CPT1A: variants seen among roughly 807,000 people sequenced by gnomAD.
The protein encoded by CPT1A is carnitine palmitoyltransferase 1A.
Under a neutral mutation model 100.8 loss-of-function variants are expected in CPT1A, and 64 were observed. The ratio of observed to expected loss-of-function variants is 0.63; its 90% CI spans 0.52 to 0.78. The LOEUF (loss-of-function observed/expected upper bound fraction) is 0.78. CPT1A is among the 30% of genes least tolerant of loss of function. The probability of loss-of-function intolerance (pLI) is 0.00; values close to 1 mark genes in which losing one functional copy is unlikely to be tolerated. For synonymous variants in CPT1A, 363 were observed against 396.0 expected (o/e 0.92, Z 0.99); for missense variants, 802 against 1,034.1 (o/e 0.78, Z 3.08).
At chr11:68,838,573 A>AAAAAAAAAAAC (rs1857073471) in intron 1 of CPT1A, among the ~76,000 whole-genome samples, 1 of 112,846 alleles carries the variant, frequency 8.9e-6, no homozygotes, top group Non-Finnish European at 1.7e-5. Flanking sequence ...GCACCTTTTT[A>AAAAAAAAAAAC]AAAAAAAAAA....
Position 68,757,524 on chromosome 11 carries a change from G to A in CPT1A, c.*120C>T. 2 of 1,549,924 alleles carry A rather than the reference G, an allele frequency of 1.3e-6. No individual in the cohort carries two copies. Among genetic ancestry groups the A allele is most frequent in the Non-Finnish European group, 1.7e-6 (2 of 1,150,444 alleles). On this transcript the variant is annotated 3_prime_UTR_variant, in exon 19 of 19. Coordinates refer to ENST00000265641, the MANE Select transcript of CPT1A (RefSeq NM_001876.4). Reference sequence around the variant, plus strand: ...AAAAAAACACCCACATTTTCTGGAAGGAAAACTGAGTTTTTTTAAGAGCAG... The same window carrying A: ...AAAAAAACACCCACATTTTCTGGAAAGAAAACTGAGTTTTTTTAAGAGCAG...
chr11:68,816,961 GGT>G (rs1449584905), intron 1 of CPT1A, among the ~76,000 whole-genome samples: 2 of 115,948 alleles, frequency 1.7e-5, no homozygotes, highest in Non-Finnish European at 3.5e-5. Context: ...TGGTGTGTAT[GGT>G]GTGTGTGTGG....
intron 4 of CPT1A, among the ~76,000 whole-genome samples, chr11:68,805,916 G>A (rs147405204): frequency 3.3e-4 from 51 of 152,316 alleles, no homozygotes; most frequent in African/African-American, 1.2e-3. Context: ...ACACCCGCCT[G>A]CAGGGGGTCA....
At chr11:68,802,386 G>T (rs1855926033) in intron 5 of CPT1A, among the ~76,000 whole-genome samples, 1 of 150,836 alleles carries the variant, frequency 6.6e-6, no homozygotes, top group Non-Finnish European at 1.5e-5. Context: ...TTGAGCTCAG[G>T]GGTTCAACAC....
chr11:68,774,092 A>C (rs903671163), intron 13 of CPT1A, among the ~76,000 whole-genome samples: 1 of 152,200 alleles, frequency 6.6e-6, no homozygotes, highest in African/African-American at 2.4e-5. Flanking sequence ...ATAAAACCTC[A>C]AGTCAAGAGG....
intron 3 of CPT1A, among the ~76,000 whole-genome samples, chr11:68,808,322 G>A (rs546802103): frequency 7.2e-5 from 11 of 151,736 alleles, no homozygotes; most frequent in Admixed American, 2.6e-4. Context: ...GTGAAGGAAG[G>A]TAGTATATAT....
At chr11:68,840,278 G>C (rs1229699691) in intron 1 of CPT1A, among the ~76,000 whole-genome samples, 1 of 152,160 alleles carries the variant, frequency 6.6e-6, no homozygotes, top group Non-Finnish European at 1.5e-5. Context: ...TCGCCTTAAA[G>C]AATTTGGAAA....
At chr11:68,792,081 G>A (rs911864327) in intron 9 of CPT1A, among the ~76,000 whole-genome samples, 1 of 152,080 alleles carries the variant, frequency 6.6e-6, no homozygotes, top group African/African-American at 2.4e-5. Flanking sequence ...GCTCACATCT[G>A]TAATTCCAGC....
chr11:68,757,985 G>A (rs1333405200), intron 18 of CPT1A, among the ~76,000 whole-genome samples: 2 of 152,136 alleles, frequency 1.3e-5, no homozygotes, highest in Non-Finnish European at 2.9e-5. Flanking sequence ...TTTATCCCAC[G>A]GAAAACACAA....
At position 68,796,873 on chromosome 11, in the gene CPT1A, T is replaced by C; in HGVS notation, c.754A>G (p.Ser252Gly). 6.2e-7 allele frequency: 1 copy of C among 1,614,118 alleles called. No individual in the cohort carries two copies. The highest frequency in any genetic ancestry group is 8.5e-7 in the Non-Finnish European group (1 of 1,180,004). The part of the protein sequence containing the change: ...LRGRGPLMVN[S>G]NYYAMDLLYI... ...GGACTCACCATGGCATAATAGTTGCTGTTCACCATGAGCGGCCCTCGTCCT... is the reference window on the plus strand; with the variant it reads ...GGACTCACCATGGCATAATAGTTGCCGTTCACCATGAGCGGCCCTCGTCCT... Residue 252 changes from serine (S) to glycine (G), a missense_variant, in exon 7 of 19, where the codon AGC (serine) becomes GGC (glycine). By Grantham distance (56) the Ser-to-Gly change is moderately conservative (BLOSUM62 0). Coordinates refer to ENST00000265641, the MANE Select transcript of CPT1A (RefSeq NM_001876.4).
At chr11:68,842,525 C>G (rs1857182668), upstream of CPT1A, among the ~76,000 whole-genome samples, 1 of 152,158 alleles carries the variant, frequency 6.6e-6, no homozygotes, top group African/African-American at 2.4e-5. Flanking sequence ...GACCTTATAC[C>G]ACGAGTGGCA....
intron 9 of CPT1A, chr11:68,785,873 A>G (rs1309032862): frequency 1.8e-6 from 1 of 553,074 alleles, no homozygotes; most frequent in Non-Finnish European, 3.2e-6. Context: ...TACGAAACCA[A>G]GCCATTCCGT....
chr11:68,795,011 T>C (rs993848198), intron 7 of CPT1A, 100 bp from the exon 8 acceptor site: 6 of 867,216 alleles, frequency 6.9e-6, no homozygotes, highest in Admixed American at 5.5e-5. Flanking sequence ...TTTCTAGAGA[T>C]GCATCAATAT....
At chr11:68,787,525 C>T (rs1855497295) in intron 9 of CPT1A, among the ~76,000 whole-genome samples, 7 of 152,008 alleles carry the variant, frequency 4.6e-5, no homozygotes. Flanking sequence ...GAACTGTGTC[C>T]CCCCATTCAT....
intron 9 of CPT1A, among the ~76,000 whole-genome samples, chr11:68,790,533 C>A (rs541482431): frequency 6.6e-6 from 1 of 152,258 alleles, no homozygotes; most frequent in South Asian, 2.1e-4. Flanking sequence ...GATATGCCTA[C>A]AAGCCAAGGA....
intron 1 of CPT1A, among the ~76,000 whole-genome samples, chr11:68,832,519 C>T (rs553862318): frequency 6.6e-6 from 1 of 152,182 alleles, no homozygotes; most frequent in South Asian, 2.1e-4. Context: ...ACTCTTAACT[C>T]CCAAAGTAAA....
At chr11:68,782,291 C>T (rs1324637821) in intron 10 of CPT1A, among the ~76,000 whole-genome samples, 1 of 152,194 alleles carries the variant, frequency 6.6e-6, no homozygotes, top group Non-Finnish European at 1.5e-5. Context: ...CACCCTCCCT[C>T]CCCTCTACAG....
At chr11:68,813,307 G>A (rs1029980835) in intron 2 of CPT1A, among the ~76,000 whole-genome samples, 12 of 151,942 alleles carry the variant, frequency 7.9e-5, no homozygotes, top group Non-Finnish European at 1.8e-4. Context: ...GAGGCAGGCC[G>A]ATCACTTGAG....
chr11:68,774,066 G>A (rs891045086), intron 13 of CPT1A, among the ~76,000 whole-genome samples: 3 of 152,208 alleles, frequency 2.0e-5, no homozygotes, highest in African/African-American at 7.2e-5. Flanking sequence ...ACAAGACCCT[G>A]GACGCATGCC....
Sources: allele counts gnomAD v4.1 joint callset (sites outside exome capture counted in the v4.1 genomes callset), GRCh38; gene constraint gnomAD v4.1.1; transcripts MANE v1.5; gene names NCBI Gene and HGNC (gene_info 2026-07-23, HGNC 2026-07-21).